KALRN: variants seen among roughly 807,000 people sequenced by gnomAD.
KALRN encodes kalirin RhoGEF kinase.
A neutral mutation model predicts 353.7 loss-of-function variants in KALRN; 70 were observed. That is an observed-to-expected ratio of 0.20 (90% CI 0.16 to 0.24). The LOEUF (loss-of-function observed/expected upper bound fraction) is 0.24. Ranked by LOEUF, KALRN falls within the 10% of genes least tolerant of loss-of-function variation. The pLI is 1.00. For missense variants in KALRN, 2,791 were observed against 3,756.7 expected (o/e 0.74, Z 6.72); for synonymous variants, 1,391 against 1,434.8 (o/e 0.97, Z 0.69).
chr3:124,590,131 C>T (rs899706235), intron 34 of KALRN, among the ~76,000 whole-genome samples: 52 of 152,270 alleles, frequency 3.4e-4, no homozygotes, highest in African/African-American at 1.2e-3. Context: ...CTATGCTTCT[C>T]TTTCCATGTC....
At chr3:124,660,709 A>G (rs1357465070) in intron 43 of KALRN, among the ~76,000 whole-genome samples, 1 of 151,756 alleles carries the variant, frequency 6.6e-6, no homozygotes, top group East Asian at 1.9e-4. Context: ...GAAAGAAAGA[A>G]AGAAAAGAAA....
At chr3:124,610,123 G>A (rs1196387553) in intron 34 of KALRN, among the ~76,000 whole-genome samples, 1 of 152,142 alleles carries the variant, frequency 6.6e-6, no homozygotes, top group Non-Finnish European at 1.5e-5. Context: ...AAAAACAGGG[G>A]AAAAAAATTC....
At chr3:124,537,978 CA>C (rs1304942664) in intron 33 of KALRN, among the ~76,000 whole-genome samples, 1 of 152,078 alleles carries the variant, frequency 6.6e-6, no homozygotes, top group Non-Finnish European at 1.5e-5. Context: ...GGTAAGGAAT[CA>C]AAAAAGAAAC....
intron 10 of KALRN, among the ~76,000 whole-genome samples, chr3:124,368,591 C>G (rs1306879617): frequency 6.8e-6 from 1 of 146,454 alleles, no homozygotes; most frequent in Non-Finnish European, 1.5e-5. Context: ...GGCAGCCAGG[C>G]AGAGGGGCTC....
At chr3:124,504,162 T>C (rs2064946249) in intron 33 of KALRN, among the ~76,000 whole-genome samples, 1 of 152,180 alleles carries the variant, frequency 6.6e-6, no homozygotes, top group Non-Finnish European at 1.5e-5. Flanking sequence ...GATTTGCCAG[T>C]AGATGAGATC....
At position 124,120,744 on chromosome 3, in the gene KALRN, A is replaced by ATT. The variant is rs1330633124; in HGVS notation, c.73+86934_73+86935dup. Among the ~76,000 whole-genome samples, 44 of 138,044 alleles carry ATT rather than the reference A, an allele frequency of 3.2e-4. 1 individual carries two copies. The highest frequency in any genetic ancestry group is 2.5e-3 in the Admixed American group (35 of 13,968). 90.6% of individuals were successfully genotyped at this position (138,044 alleles called of 152,430 possible). A position where few individuals can be genotyped will look rare whatever the true frequency, so the allele number is the denominator to read the frequency against. On this transcript the variant is annotated intron_variant, in intron 1 of 59. Coordinates refer to ENST00000682506, the MANE Select transcript of KALRN (RefSeq NM_001388419.1). ...TATATATATATATATATATATATATATTTTCACATAATTAGCTAACTATTC... is the reference window on the plus strand; with the variant it reads ...TATATATATATATATATATATATATATTTTTTCACATAATTAGCTAACTATTC...
intron 51 of KALRN, among the ~76,000 whole-genome samples, chr3:124,683,722 G>A (rs899783150): frequency 1.3e-5 from 2 of 152,196 alleles, no homozygotes; most frequent in Non-Finnish European, 2.9e-5. Context: ...CAGACTAAGT[G>A]CAGACGTTAT....
chr3:124,039,913 C>A (rs1285568390), intron 1 of KALRN, among the ~76,000 whole-genome samples: 1 of 152,022 alleles, frequency 6.6e-6, no homozygotes, highest in Non-Finnish European at 1.5e-5. Flanking sequence ...TTTTCAGGAG[C>A]CTTTGGGGGA....
At chr3:124,241,458 G>A (rs964743731) in intron 3 of KALRN, among the ~76,000 whole-genome samples, 1 of 152,160 alleles carries the variant, frequency 6.6e-6, no homozygotes, top group Non-Finnish European at 1.5e-5. Flanking sequence ...TGTCTCTTGA[G>A]AAGTTTCTCT....
chr3:124,678,507 A>G (rs973733128), intron 50 of KALRN, 194 bp downstream of exon 50: 77 of 527,848 alleles, frequency 1.5e-4, no homozygotes, highest in Middle Eastern at 5.3e-4. Flanking sequence ...GGCAACTTCA[A>G]TTCAAGTAAG....
At chr3:124,411,567 A>C (rs996925309) in intron 13 of KALRN, among the ~76,000 whole-genome samples, 1 of 149,060 alleles carries the variant, frequency 6.7e-6, no homozygotes, top group African/African-American at 2.5e-5. Flanking sequence ...TCAGCCTCCC[A>C]AGTTGCAAGG....
intron 27 of KALRN, among the ~76,000 whole-genome samples, 162 bp downstream of exon 27, chr3:124,477,496 G>T (rs148506075): frequency 2.6e-5 from 4 of 152,286 alleles, no homozygotes; most frequent in African/African-American, 7.2e-5. Flanking sequence ...GTATATGTCT[G>T]TATTTTGTTT....
intron 31 of KALRN, 182 bp downstream of exon 31, chr3:124,491,606 A>T (rs2063166082): frequency 2.2e-6 from 1 of 450,176 alleles, no homozygotes. Flanking sequence ...CCAGAATCTC[A>T]AAGACGCATG....
At chr3:124,524,999 A>G (rs561116932) in intron 33 of KALRN, among the ~76,000 whole-genome samples, 103 of 152,336 alleles carry the variant, frequency 6.8e-4, no homozygotes, top group African/African-American at 2.4e-3. Context: ...GAATAGAATC[A>G]CAAGCCAGGG....
intron 1 of KALRN, among the ~76,000 whole-genome samples, chr3:124,215,841 A>C (rs1380182278): frequency 6.6e-6 from 1 of 152,160 alleles, no homozygotes; most frequent in Admixed American, 6.5e-5. Context: ...TGCCAGCCTC[A>C]CTAGGAACAC....
intron 33 of KALRN, among the ~76,000 whole-genome samples, chr3:124,537,313 A>G (rs2109264857): frequency 6.6e-6 from 1 of 152,348 alleles, no homozygotes; most frequent in Non-Finnish European, 1.5e-5. Flanking sequence ...AAGTACTGGG[A>G]TTACAGGTGT....
At chr3:124,583,621 G>T (rs2074834160) in intron 34 of KALRN, among the ~76,000 whole-genome samples, 1 of 152,168 alleles carries the variant, frequency 6.6e-6, no homozygotes, top group African/African-American at 2.4e-5. Context: ...CAGGATGTTA[G>T]CCCAGAAACA....
chr3:124,558,999 T>A (rs1288553589), intron 33 of KALRN, among the ~76,000 whole-genome samples: 1 of 152,266 alleles, frequency 6.6e-6, no homozygotes, highest in Non-Finnish European at 1.5e-5. Context: ...AGAAGGAGGT[T>A]CAGTTAATCC....
intron 6 of KALRN, among the ~76,000 whole-genome samples, chr3:124,308,644 A>G (rs917880160): frequency 6.6e-6 from 1 of 151,966 alleles, no homozygotes; most frequent in Non-Finnish European, 1.5e-5. Flanking sequence ...ACATCATACC[A>G]CAACTTACGT....
Sources: gnomAD v4.1 joint callset for allele counts (sites outside exome capture counted in the v4.1 genomes callset) on GRCh38, gnomAD v4.1.1 for gene constraint, MANE v1.5 for transcripts, NCBI Gene and HGNC (gene_info 2026-07-23, HGNC 2026-07-21) for gene names.